The following SPOCK1 variants were observed in gnomAD, a reference collection of about 807,000 sequenced individuals.
SPOCK1 encodes testican-1.
In SPOCK1, 23 loss-of-function variants were observed where a neutral mutation model predicts 55.3. The observed-to-expected ratio is 0.42, with a 90% confidence interval of 0.30 to 0.59. The LOEUF (loss-of-function observed/expected upper bound fraction) is 0.59, where lower values mean the gene tolerates loss of function less well. SPOCK1 is among the 20% of genes least tolerant of loss of function. SPOCK1 has a pLI of 0.22. For synonymous variants in SPOCK1, 226 were observed against 221.0 expected (o/e 1.02, Z -0.20); for missense variants, 499 against 552.5 (o/e 0.90, Z 0.97).
At chr5:137,267,397 C>T (rs1276637066) in intron 2 of SPOCK1, among the ~76,000 whole-genome samples, 1 of 152,192 alleles carries the variant, frequency 6.6e-6, no homozygotes, top group Non-Finnish European at 1.5e-5. Context: ...TGCCTTGCTG[C>T]TCTCAGTTAT....
intron 2 of SPOCK1, among the ~76,000 whole-genome samples, chr5:137,295,806 A>G (rs1412159960): frequency 6.6e-6 from 1 of 152,174 alleles, no homozygotes; most frequent in Non-Finnish European, 1.5e-5. Context: ...AAAATAATAA[A>G]TACACATGGC....
rs1024845821 is a variant in SPOCK1 at position 137,433,551 on chromosome 5, G to A, written c.186+64822C>T. 7.9e-5 allele frequency among the ~76,000 whole-genome samples: 12 copies of A among 152,280 alleles called. 1 individual carries two copies. The highest frequency in any genetic ancestry group is 6.5e-5 in the Admixed American group (1 of 15,302). ...CAGGAGAGGCAGGCCCCATTTGGCT[G>A]CCAAAACCACCTCTTTCATGTCACT... On this transcript the variant is annotated intron_variant, in intron 2 of 10. Transcript: ENST00000394945.
intron 6 of SPOCK1, among the ~76,000 whole-genome samples, chr5:137,017,029 T>C (rs1478949046): frequency 1.3e-5 from 2 of 152,244 alleles, no homozygotes; most frequent in Admixed American, 6.5e-5. Context: ...CCCTGCAGCA[T>C]GCTGTGGCCC....
At chr5:136,988,805 T>A in intron 7 of SPOCK1, 162 bp from the exon 8 acceptor site, 1 of 571,884 alleles carries the variant, frequency 1.7e-6, no homozygotes, top group Non-Finnish European at 2.9e-6. Context: ...CTAGAATATT[T>A]TGTGTTTTTT....
intron 3 of SPOCK1, among the ~76,000 whole-genome samples, chr5:137,260,563 G>T (rs1756726586): frequency 6.6e-6 from 1 of 152,128 alleles, no homozygotes; most frequent in Admixed American, 6.5e-5. Flanking sequence ...TTAGAGAAAA[G>T]AAAATGGGAA....
chr5:137,318,117 A>C (rs1015331340), intron 2 of SPOCK1, among the ~76,000 whole-genome samples: 1 of 152,224 alleles, frequency 6.6e-6, no homozygotes, highest in African/African-American at 2.4e-5. Flanking sequence ...CGTTACAAGC[A>C]ATCTTCCTGT....
At chr5:137,163,336 A>G (rs1227983617) in intron 3 of SPOCK1, among the ~76,000 whole-genome samples, 1 of 152,234 alleles carries the variant, frequency 6.6e-6, no homozygotes, top group Non-Finnish European at 1.5e-5. Context: ...GAAAGGCAGC[A>G]AAGATAAACA....
At chr5:137,012,914 T>A (rs983562241) in intron 6 of SPOCK1, among the ~76,000 whole-genome samples, 1 of 152,088 alleles carries the variant, frequency 6.6e-6, no homozygotes, top group South Asian at 2.1e-4. Flanking sequence ...GCATTAAAAA[T>A]TTGCCAAAGA....
intron 2 of SPOCK1, among the ~76,000 whole-genome samples, chr5:137,331,757 C>T (rs1160018723): frequency 6.6e-6 from 1 of 152,020 alleles, no homozygotes; most frequent in Non-Finnish European, 1.5e-5. Flanking sequence ...GGGAGGGATC[C>T]GCTCCCACGA....
chr5:137,421,989 C>G (rs1420083586), intron 2 of SPOCK1, among the ~76,000 whole-genome samples: 4 of 152,184 alleles, frequency 2.6e-5, no homozygotes, highest in East Asian at 3.8e-4. Flanking sequence ...GTAGGGCAGG[C>G]CTGGTAGTGA....
intron 2 of SPOCK1, among the ~76,000 whole-genome samples, chr5:137,279,239 C>T (rs1335901232): frequency 6.6e-6 from 1 of 152,192 alleles, no homozygotes; most frequent in African/African-American, 2.4e-5. Flanking sequence ...CCAGCGAAGA[C>T]TAACAACTAC....
intron 5 of SPOCK1, among the ~76,000 whole-genome samples, chr5:137,069,608 G>A (rs899762366): frequency 6.6e-5 from 10 of 152,122 alleles, no homozygotes; most frequent in East Asian, 5.8e-4. Context: ...GTGGAACGCC[G>A]GGAAGGCAGC....
Position 137,140,522 on chromosome 5 carries a change from C to T in SPOCK1, c.347+58G>A. On this transcript the variant is annotated intron_variant, in intron 4 of 10. Coordinates refer to ENST00000394945, the MANE Select transcript of SPOCK1 (RefSeq NM_004598.4). ...CCCCACGTCAAAGACTGGAAACCCT[C>T]AGATCTGCCAGCTGCAGAATGCCTC... is the stretch of plus-strand genomic sequence containing the variant. 2.1e-6 allele frequency: 3 copies of T among 1,437,272 alleles called. No individual in the cohort carries two copies. The South Asian group carries it at 3.8e-5, about 18-fold the overall frequency. The allele number at this position is 1,437,272 out of a possible 1,614,324, so 89.0% of individuals were successfully genotyped here. A position where few individuals can be genotyped will look rare whatever the true frequency, so the allele number is the denominator to read the frequency against.
rs552586605 is a variant in SPOCK1, at chr5:137,449,502, C to A, written c.186+48871G>T. Among the ~76,000 whole-genome samples the A allele has an allele frequency of 3.9e-5, 6 of 152,272 alleles. No homozygotes were observed. In the East Asian group the frequency reaches 1.2e-3, roughly 29 times the overall value. The stretch of plus-strand genomic sequence containing the variant: ...AGAGAGGCAGCATCACAGAGATGGG[C>A]TCTGCCAAGTAGATACTGTCAAATT... On this transcript the variant is annotated intron_variant, in intron 2 of 10. Transcript: ENST00000394945.
intron 6 of SPOCK1, among the ~76,000 whole-genome samples, chr5:136,997,377 T>C (rs1305919823): frequency 6.6e-6 from 1 of 152,126 alleles, no homozygotes; most frequent in African/African-American, 2.4e-5. Flanking sequence ...AGGCTCCTAA[T>C]TGGTCTCCCA....
chr5:137,176,537 T>C (rs68178906), intron 3 of SPOCK1, among the ~76,000 whole-genome samples: 27,487 of 151,902 alleles, frequency 0.18, 2,686 homozygotes, highest in Middle Eastern at 0.29. Context: ...TGTAGGTACA[T>C]GTGTATATAC....
intron 2 of SPOCK1, among the ~76,000 whole-genome samples, chr5:137,307,138 G>A (rs913247851): frequency 6.6e-6 from 1 of 152,124 alleles, no homozygotes; most frequent in Non-Finnish European, 1.5e-5. Flanking sequence ...CATATCCAAC[G>A]CCCAGTAAAT....
intron 3 of SPOCK1, among the ~76,000 whole-genome samples, chr5:137,166,446 A>AAAAAC (rs1218097715): frequency 6.6e-6 from 1 of 151,968 alleles, no homozygotes; most frequent in African/African-American, 2.4e-5. Context: ...AAAAAAAAAA[A>AAAAAC]GACATTAATG....
intron 2 of SPOCK1, among the ~76,000 whole-genome samples, chr5:137,413,174 T>C (rs963435096): frequency 1.3e-5 from 2 of 152,236 alleles, no homozygotes; most frequent in African/African-American, 4.8e-5. Flanking sequence ...TTCTTCTCAG[T>C]CAACTCTGCT....
Sources: allele counts gnomAD v4.1 joint callset (sites outside exome capture counted in the v4.1 genomes callset), GRCh38; gene constraint gnomAD v4.1.1; transcripts MANE v1.5; gene names NCBI Gene and HGNC (gene_info 2026-07-23, HGNC 2026-07-21).